Variants in CYRIA observed in about 807,000 individuals in gnomAD.
CYRIA encodes CYFIP related Rac1 interactor A, also known as CYFIP-related Rac1 interactor A.
Under a neutral mutation model 43.9 loss-of-function variants are expected in CYRIA, and 15 were observed. The ratio of observed to expected loss-of-function variants is 0.34; its 90% CI spans 0.23 to 0.53. The LOEUF is 0.53. CYRIA is among the 20% of genes least tolerant of loss of function. The pLI is 0.94. For missense variants in CYRIA, 236 were observed against 394.2 expected, an observed-to-expected ratio of 0.60 and a Z score of 3.40; for synonymous variants, 117 against 136.0, an observed-to-expected ratio of 0.86 and a Z score of 0.97.
intron 3 of CYRIA, among the ~76,000 whole-genome samples, chr2:16,587,603 C>T (rs1363492298): frequency 6.6e-6 from 1 of 152,056 alleles, no homozygotes; most frequent in East Asian, 1.9e-4. Flanking sequence ...TTGGCTGTGT[C>T]CCCACTCAAA....
chr2:16,607,443 G>A (rs1668447132), intron 2 of CYRIA, among the ~76,000 whole-genome samples: 1 of 152,164 alleles, frequency 6.6e-6, no homozygotes, highest in Admixed American at 6.5e-5. Context: ...ATAAAGCTGG[G>A]TAAATTTTTT....
At chr2:16,652,651 G>C (rs1488300020) in intron 1 of CYRIA, among the ~76,000 whole-genome samples, 1 of 152,188 alleles carries the variant, frequency 6.6e-6, no homozygotes, top group East Asian at 1.9e-4. Flanking sequence ...AAAGTGGAGA[G>C]TGGAAAGTCT....
At position 16,638,410 on chromosome 2, in the gene CYRIA, G is replaced by A. The variant is rs143010735; in HGVS notation, c.-166-14391C>T. Among the ~76,000 whole-genome samples the A allele has an allele frequency of 1.7e-3, 257 of 152,294 alleles. 1 individual carries two copies. Among genetic ancestry groups the A allele is most frequent in the African/African-American group, 5.8e-3 (243 of 41,560 alleles). The stretch of plus-strand genomic sequence containing the variant: ...TCCACCTGTGTGATGGGATCTGGCC[G>A]GGAAAAGCTTCCTGGAGGGGCTGGG... On this transcript the variant is annotated intron_variant, in intron 1 of 11. Transcript: ENST00000381323.
intron 2 of CYRIA, among the ~76,000 whole-genome samples, chr2:16,588,632 G>A (rs948038326): frequency 1.2e-4 from 19 of 152,162 alleles, no homozygotes; most frequent in East Asian, 3.9e-4. Flanking sequence ...CAACAAAGAC[G>A]GCATTTTAAA....
intron 2 of CYRIA, among the ~76,000 whole-genome samples, chr2:16,607,075 A>G (rs1668429562): frequency 6.6e-6 from 1 of 152,206 alleles, no homozygotes; most frequent in Non-Finnish European, 1.5e-5. Context: ...AAAGTGTTGA[A>G]ACTTCACTTG....
intron 2 of CYRIA, among the ~76,000 whole-genome samples, chr2:16,595,615 TA>T (rs1668048539): frequency 1.4e-4 from 1 of 6,994 alleles, no homozygotes; most frequent in Admixed American, 2.3e-3. Context: ...CTTATCAGCT[TA>T]AGGAGATTTT....
intron 2 of CYRIA, among the ~76,000 whole-genome samples, chr2:16,590,074 AC>A (rs1667870271): frequency 6.6e-6 from 1 of 151,848 alleles, no homozygotes; most frequent in African/African-American, 2.4e-5. Context: ...GCATGCACAC[AC>A]ACACACACAC....
intron 1 of CYRIA, among the ~76,000 whole-genome samples, chr2:16,649,480 G>A (rs916169307): frequency 1.3e-5 from 2 of 151,854 alleles, no homozygotes; most frequent in Admixed American, 1.3e-4. Context: ...ACAGTATGGG[G>A]GACAGTTGTA....
At chr2:16,645,714 A>G (rs1226582364) in intron 1 of CYRIA, among the ~76,000 whole-genome samples, 1 of 152,246 alleles carries the variant, frequency 6.6e-6, no homozygotes, top group African/African-American at 2.4e-5. Context: ...ACAGCTAGGT[A>G]TCAGCAAATA....
In CYRIA at chr2:16,620,167, C is replaced by T. The variant is rs576318914; in HGVS notation, c.-11+3697G>A. On this transcript the variant is annotated intron_variant, in intron 2 of 11. Transcript: ENST00000381323. ...TCAGATATTACCTGTTTAATGAGTG[C>T]GTAATTTCTAAAAGAACACTCTGAC... Among the ~76,000 whole-genome samples, 26 of 152,284 alleles carry T rather than the reference C, an allele frequency of 1.7e-4. No individual in the cohort carries two copies. In the South Asian group the frequency reaches 4.3e-3, roughly 25 times the overall value.
chr2:16,610,643 A>G (rs1411682064), intron 2 of CYRIA, among the ~76,000 whole-genome samples: 1 of 152,044 alleles, frequency 6.6e-6, no homozygotes, highest in Non-Finnish European at 1.5e-5. Flanking sequence ...CAAAAATCCC[A>G]AGGCTTCGGC....
chr2:16,636,064 C>T (rs1248540832), intron 1 of CYRIA, among the ~76,000 whole-genome samples: 1 of 152,096 alleles, frequency 6.6e-6, no homozygotes. Context: ...CAATGGCAGG[C>T]AGCATATCTA....
chr2:16,636,813 A>C (rs1669510403), intron 1 of CYRIA, among the ~76,000 whole-genome samples: 1 of 152,044 alleles, frequency 6.6e-6, no homozygotes, highest in African/African-American at 2.4e-5. Flanking sequence ...AAAATAAGAA[A>C]GAAATACAAA....
At chr2:16,621,727 A>G (rs540982039) in intron 2 of CYRIA, among the ~76,000 whole-genome samples, 7 of 152,136 alleles carry the variant, frequency 4.6e-5, no homozygotes, top group Non-Finnish European at 7.4e-5. Context: ...CTGCCCAAAT[A>G]ATGCCTTATC....
At chr2:16,656,384 C>A (rs1670113520) in intron 1 of CYRIA, among the ~76,000 whole-genome samples, 1 of 152,174 alleles carries the variant, frequency 6.6e-6, no homozygotes, top group Non-Finnish European at 1.5e-5. Flanking sequence ...ACTCACAAGT[C>A]CAGGCCTCTC....
At chr2:16,553,868 G>A (rs1224625781) in intron 11 of CYRIA, among the ~76,000 whole-genome samples, 2 of 152,098 alleles carry the variant, frequency 1.3e-5, no homozygotes, top group Non-Finnish European at 2.9e-5. Flanking sequence ...ACACTCAGAA[G>A]TTAAAGCCTT....
chr2:16,574,312 A>G (rs1281615725), intron 3 of CYRIA, among the ~76,000 whole-genome samples: 2 of 152,240 alleles, frequency 1.3e-5, no homozygotes, highest in Non-Finnish European at 2.9e-5. Flanking sequence ...TGCTAAAGAC[A>G]TTCAGTTTTA....
rs916347981 is a variant in CYRIA at position 16,551,613 on chromosome 2, A to G, written c.*1323T>C. 2.6e-5 allele frequency: 4 copies of G among 152,132 alleles called. No individual in the cohort carries two copies. The highest frequency in any genetic ancestry group is 9.7e-5 in the African/African-American group (4 of 41,436). 9.4% of individuals were successfully genotyped at this position (152,132 alleles called of 1,614,324 possible). On this transcript the variant is annotated 3_prime_UTR_variant, in exon 12 of 12. Transcript: ENST00000381323. ...ATGATTCCATTCGAACTAAGCTCTG[A>G]TGTACAGAGAGAATGACTGCAGGCT...
intron 2 of CYRIA, among the ~76,000 whole-genome samples, chr2:16,600,205 A>G (rs994480055): frequency 6.6e-6 from 1 of 152,262 alleles, no homozygotes; most frequent in African/African-American, 2.4e-5. Flanking sequence ...GCCAAAGCAT[A>G]AAAAGTTAAC....
Sources: allele counts gnomAD v4.1 joint callset (sites outside exome capture counted in the v4.1 genomes callset), GRCh38; gene constraint gnomAD v4.1.1; transcripts MANE v1.5; gene names NCBI Gene and HGNC (gene_info 2026-07-23, HGNC 2026-07-21).